Variants in AMZ2 observed in about 807,000 individuals in gnomAD.
AMZ2 encodes archaemetzincin-2.
A neutral mutation model predicts 36.7 loss-of-function variants in AMZ2; 26 were observed. The observed-to-expected ratio is 0.71, with a 90% CI of 0.52 to 0.98. AMZ2 has a LOEUF of 0.98. Ranked by LOEUF, AMZ2 falls within the 50% of genes least tolerant of loss-of-function variation. AMZ2 has a pLI of 0.00. For missense variants in AMZ2, 394 were observed against 430.5 expected (o/e 0.92, Z 0.75); for synonymous variants, 144 against 149.1 (o/e 0.97, Z 0.25).
chr17:68,251,599 T>C (rs1185817409), intron 4 of AMZ2, among the ~76,000 whole-genome samples: 1 of 151,980 alleles, frequency 6.6e-6, no homozygotes, highest in African/African-American at 2.4e-5. Flanking sequence ...CCCAGGAGGT[T>C]GAGGCTGCAG....
rs2074440306 is a variant in AMZ2, at chr17:68,251,197, T to G, written c.586+19T>G. ...ACAGATGGTATTCCGTTTTTGGCATTGTTGTTAGAAGCTTCTTCAGCTTGA... is the reference window on the plus strand; with the variant it reads ...ACAGATGGTATTCCGTTTTTGGCATGGTTGTTAGAAGCTTCTTCAGCTTGA... On this transcript the variant is annotated intron_variant, in intron 4 of 6. Coordinates refer to ENST00000359904, the MANE Select transcript of AMZ2 (RefSeq NM_016627.5). The G allele has an allele frequency of 6.3e-7, 1 of 1,598,328 alleles. No individual in the cohort carries two copies. Among genetic ancestry groups the G allele is most frequent in the Non-Finnish European group, 8.5e-7 (1 of 1,176,206 alleles).
At chr17:68,252,330 C>T (rs2074546235) in intron 4 of AMZ2, among the ~76,000 whole-genome samples, 1 of 152,146 alleles carries the variant, frequency 6.6e-6, no homozygotes, top group Non-Finnish European at 1.5e-5. Context: ...ATTCTTTATT[C>T]TCCATTTATG....
chr17:68,228,070 G>A (rs1239138844), intron 1 of AMZ2, among the ~76,000 whole-genome samples: 9 of 152,114 alleles, frequency 5.9e-5, no homozygotes, highest in African/African-American at 2.2e-4. Flanking sequence ...CCCGTTTGCT[G>A]TGGAGTTGTG....
intron 4 of AMZ2, among the ~76,000 whole-genome samples, chr17:68,253,975 C>G (rs2074698676): frequency 6.6e-6 from 1 of 152,116 alleles, no homozygotes; most frequent in African/African-American, 2.4e-5. Flanking sequence ...GAGCTTCTGA[C>G]ATCAGGTGAT....
upstream of AMZ2, chr17:68,248,037 TG>T (rs1488360588): frequency 1.0e-6 from 1 of 986,362 alleles, no homozygotes; most frequent in Non-Finnish European, 1.2e-6. Flanking sequence ...GGGCGTGGCG[TG>T]GCGCAGTGCG....
chr17:68,220,567 C>A (rs112124859), intron 1 of AMZ2, among the ~76,000 whole-genome samples: 2,894 of 151,732 alleles, frequency 0.019, 98 homozygotes, highest in African/African-American at 0.065. Flanking sequence ...TACTATGTCA[C>A]CCATGTGCTG....
intron 1 of AMZ2, chr17:68,206,930 A>C (rs1249610871): frequency 6.5e-6 from 1 of 153,264 alleles, no homozygotes; most frequent in East Asian, 1.9e-4. Flanking sequence ...AAAGCCAAAC[A>C]AGACCCACCC....
chr17:68,208,135 C>G (rs2072899722), intron 1 of AMZ2, among the ~76,000 whole-genome samples: 1 of 152,162 alleles, frequency 6.6e-6, no homozygotes, highest in Non-Finnish European at 1.5e-5. Context: ...GCCTCCCTGA[C>G]GAGCACCGCC....
intron 4 of AMZ2, 22 bp from the exon 5 acceptor site, chr17:68,254,382 A>G (rs1345258145): frequency 6.3e-7 from 1 of 1,598,380 alleles, no homozygotes; most frequent in Admixed American, 1.8e-5. Flanking sequence ...TCATTCTGTC[A>G]CTGTTTGTCC....
intron 1 of AMZ2, among the ~76,000 whole-genome samples, chr17:68,224,262 G>C (rs565207149): frequency 6.6e-6 from 1 of 152,176 alleles, no homozygotes; most frequent in Non-Finnish European, 1.5e-5. Flanking sequence ...CTAGAGAATT[G>C]CTGTGCTGCA....
chr17:68,221,211 C>CG (rs1465673320), intron 1 of AMZ2, among the ~76,000 whole-genome samples: 1 of 83,804 alleles, frequency 1.2e-5, no homozygotes, highest in Non-Finnish European at 2.4e-5. Flanking sequence ...CCCTCAGCTC[C>CG]CCCCCCCGCC....
rs1351902895 is a variant in AMZ2 at position 68,251,302 on chromosome 17, A to T, written c.586+124A>T. 3.6e-4 allele frequency: 381 copies of T among 1,048,432 alleles called. 5 individuals carry two copies. The South Asian group carries it at 3.7e-3, about 10-fold the overall frequency. 64.9% of individuals were successfully genotyped at this position (1,048,432 alleles called of 1,614,324 possible). ...TATTTAAAATATTTTCAGTTGAGAC[A>T]TTATGCCATAATGGGAAGTGTGCTG... On this transcript the variant is annotated intron_variant, in intron 4 of 6. Transcript: ENST00000359904.
At chr17:68,217,601 G>A (rs1278926779) in intron 1 of AMZ2, among the ~76,000 whole-genome samples, 2 of 152,082 alleles carry the variant, frequency 1.3e-5, no homozygotes, top group Admixed American at 6.5e-5. Context: ...AGTAATTTCA[G>A]TTTAACTGTA....
At chr17:68,221,207 G>GCCCCCCCCC (rs1284093591) in intron 1 of AMZ2, among the ~76,000 whole-genome samples, 2 of 16,912 alleles carry the variant, frequency 1.2e-4, no homozygotes, top group Non-Finnish European at 2.3e-4. Context: ...TCAGCCCTCA[G>GCCCCCCCCC]CTCCCCCCCC....
In AMZ2 at chr17:68,209,882, A is replaced by G. The variant is rs78681035; in HGVS notation, c.-67+3644A>G. On this transcript the variant is annotated intron_variant, in intron 1 of 7. Coordinates refer to the AMZ2 transcript ENST00000674770. ...GTGATCCACCCCCTTTGGCCCCCCAAAATGCTGGGATTACAGGCTTGAGCC... is the reference window on the plus strand; with the variant it reads ...GTGATCCACCCCCTTTGGCCCCCCAGAATGCTGGGATTACAGGCTTGAGCC... 6.6e-3 allele frequency among the ~76,000 whole-genome samples: 1,009 copies of G among 152,010 alleles called. 12 individuals are homozygous for G. Among genetic ancestry groups the G allele is most frequent in the African/African-American group, 0.023 (965 of 41,446 alleles).
intron 1 of AMZ2, chr17:68,207,018 T>C (rs1484414019): frequency 6.6e-6 from 1 of 152,272 alleles, no homozygotes; most frequent in African/African-American, 2.4e-5. Context: ...GGAACGCGCA[T>C]CTTAGCTCAT....
chr17:68,247,561 C>G, upstream of AMZ2: 1 of 919,566 alleles, frequency 1.1e-6, no homozygotes, highest in Non-Finnish European at 1.3e-6. Context: ...TTCCAGCCCC[C>G]GCGGCCCCCA....
At position 68,216,527 on chromosome 17, in the gene AMZ2, G is replaced by A. The variant is rs2073198766; in HGVS notation, c.-67+10289G>A. The stretch of plus-strand genomic sequence containing the variant: ...GCCCTTGATTTGCCCAAGATCCTAT[G>A]GCTCTTAGGAGGTAGAACCTGGAAT... On this transcript the variant is annotated intron_variant, in intron 1 of 7. Transcript: ENST00000674770. Among the ~76,000 whole-genome samples the A allele has an allele frequency of 3.9e-5, 6 of 152,150 alleles. 1 individual carries two copies. The South Asian group carries it at 1.2e-3, about 32-fold the overall frequency.
At chr17:68,232,120 TAAAAAAAA>T (rs34203351) in intron 1 of AMZ2, among the ~76,000 whole-genome samples, 2 of 100,392 alleles carry the variant, frequency 2.0e-5, no homozygotes, top group African/African-American at 7.3e-5. Flanking sequence ...CTGAAGTTTG[TAAAAAAAA>T]AAAAAAAAAA....
Sources: gnomAD v4.1 joint callset for allele counts (sites outside exome capture counted in the v4.1 genomes callset) on GRCh38, gnomAD v4.1.1 for gene constraint, MANE v1.5 for transcripts, NCBI Gene and HGNC (gene_info 2026-07-23, HGNC 2026-07-21) for gene names.